The following NOSIP variants were observed in gnomAD, a reference collection of about 807,000 sequenced individuals.
The protein encoded by NOSIP is nitric oxide synthase-interacting protein.
In NOSIP, 25 loss-of-function variants were observed where a neutral mutation model predicts 36.4. The ratio of observed to expected loss-of-function variants is 0.69; its 90% CI spans 0.50 to 0.96. The LOEUF is 0.96. NOSIP is among the 40% of genes least tolerant of loss of function. The pLI is 0.00. For synonymous variants in NOSIP, 187 were observed against 179.2 expected (o/e 1.04, Z -0.35); for missense variants, 370 against 429.0 (o/e 0.86, Z 1.21).
intron 1 of NOSIP, among the ~76,000 whole-genome samples, chr19:49,573,355 C>A (rs1599763994): frequency 6.6e-6 from 1 of 152,202 alleles, no homozygotes; most frequent in East Asian, 1.9e-4. Flanking sequence ...AAGCCTGCCT[C>A]TCCGGGATCA....
chr19:49,571,231 C>T (rs2080480243), intron 1 of NOSIP, among the ~76,000 whole-genome samples: 1 of 151,462 alleles, frequency 6.6e-6, no homozygotes, highest in African/African-American at 2.4e-5. Flanking sequence ...AGTGATCCGC[C>T]CACCTCAGCC....
intron 1 of NOSIP, among the ~76,000 whole-genome samples, chr19:49,567,926 C>T (rs1402392144): frequency 6.6e-6 from 1 of 151,994 alleles, no homozygotes; most frequent in East Asian, 1.9e-4. Flanking sequence ...AATCTGGCCA[C>T]CTTGGCTTCT....
At chr19:49,557,530 T>A (rs551679270) in intron 4 of NOSIP, 1 of 1,272,740 alleles carries the variant, frequency 7.9e-7, no homozygotes, top group Admixed American at 3.5e-5. Context: ...CTAACAGTGG[T>A]TACCCACCTC....
chr19:49,556,049 T>TGTGGAGGGGGTGGAGCC (rs2080234438), intron 8 of NOSIP, among the ~76,000 whole-genome samples: 1 of 109,644 alleles, frequency 9.1e-6, no homozygotes, highest in Non-Finnish European at 1.8e-5. Context: ...GGAGGGAGCG[T>TGTGGAGGGGGTGGAGCC]GTGGAGGGGG....
intron 1 of NOSIP, among the ~76,000 whole-genome samples, chr19:49,563,771 A>G (rs762510311): frequency 6.6e-6 from 1 of 152,184 alleles, no homozygotes; most frequent in Non-Finnish European, 1.5e-5. Flanking sequence ...CTGGGATTAC[A>G]GGTGTGAGCC....
chr19:49,557,132 G>A lies in NOSIP; in HGVS notation c.376C>T (p.Leu126Phe), dbSNP rs375469093. The A allele has an allele frequency of 6.2e-7, 1 of 1,612,866 alleles. No individual in the cohort carries two copies. The highest frequency in any genetic ancestry group is 1.1e-5 in the South Asian group (1 of 90,782). The change falls in exon 5 of 9, where the codon CTC (leucine) becomes TTC (phenylalanine). Residue 126 changes from leucine to phenylalanine, a missense_variant. By Grantham distance (22) the Leu-to-Phe change is conservative. Coordinates refer to ENST00000596358, the MANE Select transcript of NOSIP (RefSeq NM_001270960.2). Reference sequence around the variant, plus strand: ...AGGGCCTTGGCTGTGAAAGGGTTGAGGGGCCGGCTCACGATAGCCGACTCC... The same window carrying A: ...AGGGCCTTGGCTGTGAAAGGGTTGAAGGGCCGGCTCACGATAGCCGACTCC... Reference protein sequence around the residue: ...EKESAIVSRPLNPFTAKALSG... With the variant: ...EKESAIVSRPFNPFTAKALSG...
intron 1 of NOSIP, among the ~76,000 whole-genome samples, chr19:49,574,153 C>T (rs899204643): frequency 3.3e-5 from 5 of 152,068 alleles, no homozygotes; most frequent in Non-Finnish European, 5.9e-5. Flanking sequence ...TGAGCTACCG[C>T]GCCCAGTCTT....
At position 49,557,256 on chromosome 19, in the gene NOSIP, C is replaced by T. The variant is rs1471176320; in HGVS notation, c.259-7G>A. On this transcript the variant is annotated splice_polypyrimidine_tract_variant and splice_region_variant and intron_variant, in intron 4 of 8. Transcript: ENST00000596358. ...CCCGCTGCTTCTCGTAGGCCTGCGT[C>T]GGGGAAAGTGGGCTGAGCATCTGCC... 3.8e-6 allele frequency: 6 copies of T among 1,574,344 alleles called. No homozygotes were observed. The highest frequency in any genetic ancestry group is 2.3e-5 in the East Asian group (1 of 43,398).
intron 1 of NOSIP, chr19:49,566,882 T>A (rs2080416310): frequency 6.6e-6 from 1 of 151,290 alleles, no homozygotes; most frequent in African/African-American, 2.4e-5. Context: ...CGGCATGATC[T>A]TGGCTCACTG....
rs958721605 is a variant in NOSIP, at chr19:49,556,611, G to A, written c.663C>T (p.Tyr221=). 2 of 1,607,740 alleles carry A rather than the reference G, an allele frequency of 1.2e-6. No homozygotes were observed. The highest frequency in any genetic ancestry group is 2.2e-5 in the East Asian group (1 of 44,868). ...GGCTGTCGCGGGTCACGGCACACAC[G>A]TAGCGCTCGCTGCGGGTGATGAGCC... ...RVGLITRSER[Y]VCAVTRDSLS... is the part of the protein sequence containing the mutation. Residue 221 remains tyrosine, a synonymous_variant, in exon 7 of 9, where the codon TAC becomes TAT. Transcript: ENST00000596358.
chr19:49,565,770 A>AAAAAAGG (rs1555734910), intron 1 of NOSIP, among the ~76,000 whole-genome samples: 2 of 111,852 alleles, frequency 1.8e-5, no homozygotes, highest in African/African-American at 7.0e-5. Context: ...AAGAAAAAAA[A>AAAAAAGG]AAGAAAGAAA....
intron 1 of NOSIP, among the ~76,000 whole-genome samples, chr19:49,577,450 G>A (rs991433086): frequency 4.6e-5 from 7 of 152,052 alleles, no homozygotes; most frequent in East Asian, 3.9e-4. Flanking sequence ...CCAGCTAGTC[G>A]GGAGGCTGAG....
chr19:49,557,473 A>G (rs2080270364), intron 4 of NOSIP: 1 of 1,388,006 alleles, frequency 7.2e-7, no homozygotes, highest in Non-Finnish European at 9.4e-7. Flanking sequence ...GGCCTAAGTG[A>G]GCACTATGAC....
intron 1 of NOSIP, among the ~76,000 whole-genome samples, chr19:49,570,288 C>G (rs1320537405): frequency 6.6e-6 from 1 of 152,098 alleles, no homozygotes; most frequent in Non-Finnish European, 1.5e-5. Flanking sequence ...TCATCTCTAT[C>G]GCCCCCTTCT....
At chr19:49,580,224 T>C (rs1234843850) in intron 1 of NOSIP, among the ~76,000 whole-genome samples, 1 of 151,848 alleles carries the variant, frequency 6.6e-6, no homozygotes, top group Non-Finnish European at 1.5e-5. Flanking sequence ...AGCCATCATC[T>C]ACAGCAGAAC....
chr19:49,559,958 T>C lies in NOSIP; in HGVS notation c.152A>G (p.Gln51Arg). The C allele has an allele frequency of 6.2e-7, 1 of 1,613,638 alleles. No homozygotes were observed. The highest frequency in any genetic ancestry group is 8.5e-7 in the Non-Finnish European group (1 of 1,179,696). ...KDFDCCCLSL[Q>R]PCHDPVVTPD... ...CGTGACAACAGGATCGTGGCAAGGC[T>C]GCAGGGAGAGACAACAGCAGTCGAA... Residue 51 changes from glutamine to arginine, a missense_variant, in exon 3 of 9, where the codon CAG (glutamine) becomes CGG (arginine). Physicochemically the swap from Gln to Arg is conservative, Grantham distance 43 (BLOSUM62 1). Transcript: ENST00000596358.
chr19:49,556,331 T>C lies in NOSIP; in HGVS notation c.820A>G (p.Ile274Val), dbSNP rs748374339. 1.3e-5 allele frequency: 21 copies of C among 1,612,310 alleles called. No individual in the cohort carries two copies. The Admixed American group carries it at 3.0e-4, about 23-fold the overall frequency. Residue 274 changes from isoleucine (I) to valine (V), a missense_variant, in exon 8 of 9, where the codon ATC becomes GTC. Physicochemically the swap from Ile to Val is conservative, Grantham distance 29 (BLOSUM62 3). Around this residue, in one of 3 missense-constraint regions of NOSIP, gnomAD observed 315 missense variants for 331.9 expected, o/e 0.95. Coordinates refer to ENST00000596358, the MANE Select transcript of NOSIP (RefSeq NM_001270960.2). ...GGGACTCTTACCCGCTGCAGCACGA[T>C]GATGTCGCGGTCTGTGAGTTTGTCT... Reference protein sequence around the residue: ...TGDKLTDRDIIVLQRGGTGFA... With the variant: ...TGDKLTDRDIVVLQRGGTGFA...
chr19:49,561,063 ATCCAC>A (rs1297600538), intron 1 of NOSIP, among the ~76,000 whole-genome samples: 7 of 152,084 alleles, frequency 4.6e-5, no homozygotes, highest in Non-Finnish European at 7.4e-5. Context: ...TTGTTGATGA[ATCCAC>A]TCCACCTTCC....
chr19:49,559,510 CAAAAAA>C (rs112494970), intron 3 of NOSIP: 2 of 166,704 alleles, frequency 1.2e-5, no homozygotes, highest in Admixed American at 1.2e-4. Flanking sequence ...GACTCTGTCT[CAAAAAA>C]AAAAAAGAAA....
Sources: allele counts gnomAD v4.1 joint callset (sites outside exome capture counted in the v4.1 genomes callset), GRCh38; gene constraint gnomAD v4.1.1; regional missense constraint gnomAD v4.1.1; transcripts MANE v1.5; gene names NCBI Gene and HGNC (gene_info 2026-07-23, HGNC 2026-07-21).